Variants in PCDHA8 observed in about 807,000 individuals in gnomAD.
PCDHA8 encodes protocadherin alpha 8.
Under a neutral mutation model 61.8 loss-of-function variants are expected in PCDHA8, and 53 were observed. That is an observed-to-expected ratio of 0.86 (90% CI 0.69 to 1.08). The LOEUF is 1.08. PCDHA8 is among the 50% of genes least tolerant of loss of function. PCDHA8 has a pLI of 0.00. For missense variants in PCDHA8, 1,293 were observed against 1,245.0 expected, an observed-to-expected ratio of 1.04 and a Z score of -0.58; for synonymous variants, 618 against 556.6, an observed-to-expected ratio of 1.11 and a Z score of -1.55.
At chr5:140,909,045 G>A (rs1407145935) in intron 1 of PCDHA8, among the ~76,000 whole-genome samples, 1 of 152,112 alleles carries the variant, frequency 6.6e-6, no homozygotes, top group African/African-American at 2.4e-5. Flanking sequence ...TCCATACTCT[G>A]GCATGCAAAT....
At chr5:140,969,968 G>A (rs935403265) in intron 1 of PCDHA8, among the ~76,000 whole-genome samples, 2 of 152,200 alleles carry the variant, frequency 1.3e-5, no homozygotes, top group Non-Finnish European at 2.9e-5. Flanking sequence ...GCTGTATGAT[G>A]TGGCAACTCT....
chr5:140,962,512 AATAAT>A (rs2095688598), intron 1 of PCDHA8, among the ~76,000 whole-genome samples: 1 of 152,184 alleles, frequency 6.6e-6, no homozygotes, highest in Admixed American at 6.5e-5. Flanking sequence ...GCCAACTATC[AATAAT>A]ATATTAGTTT....
chr5:140,876,466 G>C, intron 1 of PCDHA8: 1 of 1,614,018 alleles, frequency 6.2e-7, no homozygotes, highest in Non-Finnish European at 8.5e-7. Flanking sequence ...TTCCATGGCA[G>C]GTCACAGCAT....
intron 1 of PCDHA8, chr5:140,928,753 G>A (rs782483181): frequency 1.2e-6 from 2 of 1,614,142 alleles, no homozygotes; most frequent in Non-Finnish European, 8.5e-7. Flanking sequence ...GCTCCGTACT[G>A]CTCGCTTAGT....
At chr5:140,998,247 T>C (rs2097802911) in intron 3 of PCDHA8, among the ~76,000 whole-genome samples, 1 of 152,216 alleles carries the variant, frequency 6.6e-6, no homozygotes, top group Non-Finnish European at 1.5e-5. Flanking sequence ...ATTATACTCA[T>C]TTTACTGCTA....
intron 1 of PCDHA8, chr5:140,856,082 T>C (rs781798552): frequency 6.9e-6 from 11 of 1,594,900 alleles, no homozygotes; most frequent in Non-Finnish European, 8.6e-6. Context: ...GGGGGTCCAG[T>C]GTCTGCTGCT....
intron 1 of PCDHA8, chr5:140,853,279 A>T: frequency 1.0e-6 from 1 of 979,476 alleles, no homozygotes; most frequent in African/African-American, 1.8e-5. Flanking sequence ...CTCTCATCAT[A>T]TGCAAATTCT....
intron 1 of PCDHA8, chr5:140,865,781 A>G (rs1213634186): frequency 3.3e-5 from 5 of 152,208 alleles, no homozygotes; most frequent in Admixed American, 1.3e-4. Flanking sequence ...TCAAATGTGT[A>G]TCTTTCAGGC....
intron 1 of PCDHA8, chr5:140,851,191 T>C: frequency 8.2e-7 from 1 of 1,215,936 alleles, no homozygotes; most frequent in South Asian, 3.0e-5. Context: ...ACCAATTTAG[T>C]TGTTAGTCAT....
chr5:140,929,024 C>T, intron 1 of PCDHA8: 1 of 1,614,172 alleles, frequency 6.2e-7, no homozygotes, highest in Non-Finnish European at 8.5e-7. Context: ...CACCAGAGCC[C>T]AGGCTGTTGC....
chr5:140,843,005 G>T lies in PCDHA8; in HGVS notation c.1684G>T (p.Ala562Ser). 1 of 1,595,030 alleles carries T rather than the reference G, an allele frequency of 6.3e-7. No homozygotes were observed. Among genetic ancestry groups the T allele is most frequent in the East Asian group, 2.2e-5 (1 of 44,818 alleles). The change falls in exon 1 of 4, where the codon GCG becomes TCG. Residue 562 changes from alanine (A) to serine (S), a missense_variant. Physicochemically the swap from Ala to Ser is moderately conservative, Grantham distance 99 (BLOSUM62 1). Coordinates refer to ENST00000531613, the MANE Select transcript of PCDHA8 (RefSeq NM_018911.3). ...GTTCGTGCTGGACGAGAATGACAAC[G>T]CGCCGGCACTGCTGGAGCCTCGGGT... ...QVFVLDENDN[A>S]PALLEPRVGG... is the part of the protein sequence containing the mutation.
At chr5:140,876,028 A>G in intron 1 of PCDHA8, 1 of 1,613,716 alleles carries the variant, frequency 6.2e-7, no homozygotes, top group Non-Finnish European at 8.5e-7. Flanking sequence ...AAAAACAAAA[A>G]AAGATAAAAG....
rs549259485 is a variant in PCDHA8, at chr5:140,926,218, A to C, written c.2395-52731A>C. 2.0e-5 allele frequency among the ~76,000 whole-genome samples: 3 copies of C among 152,070 alleles called. No individual in the cohort carries two copies. In the South Asian group the frequency reaches 6.3e-4, roughly 32 times the overall value. On this transcript the variant is annotated intron_variant, in intron 1 of 3. Coordinates refer to ENST00000531613, the MANE Select transcript of PCDHA8 (RefSeq NM_018911.3). ...TCTTTCGGGGGGCTCCTGTTTCCTT[A>C]AGCCTAGAAGGTGTGGTCGCTCACG...
chr5:140,985,018 A>G (rs1384418667), intron 3 of PCDHA8, among the ~76,000 whole-genome samples: 2 of 152,026 alleles, frequency 1.3e-5, no homozygotes, highest in Non-Finnish European at 2.9e-5. Flanking sequence ...GCTCACAGCA[A>G]CCTCTGCCTC....
chr5:140,844,618 A>C (rs1230516172), intron 1 of PCDHA8, among the ~76,000 whole-genome samples: 1 of 149,532 alleles, frequency 6.7e-6, no homozygotes, highest in Non-Finnish European at 1.5e-5. Context: ...AAATGTTTTC[A>C]TCAGAAAAAC....
Position 140,883,665 on chromosome 5 carries a change from A to G in PCDHA8, c.2394+39950A>G, listed in dbSNP as rs782383703. 3.7e-6 allele frequency: 6 copies of G among 1,613,494 alleles called. No individual in the cohort carries two copies. The African/African-American group carries it at 8.0e-5, about 22-fold the overall frequency. On this transcript the variant is annotated intron_variant, in intron 1 of 3. Transcript: ENST00000531613. ...CCCGAGTACACGGTGTTCGTGAAGG[A>G]AAACAATCCGCCGGGCTGCCACATC...
intron 1 of PCDHA8, among the ~76,000 whole-genome samples, chr5:140,902,579 A>G (rs2069572489): frequency 6.6e-6 from 1 of 152,078 alleles, no homozygotes. Flanking sequence ...TAAGATTTCA[A>G]TAGTTTTGGG....
At chr5:140,908,704 C>T (rs1241248582) in intron 1 of PCDHA8, among the ~76,000 whole-genome samples, 12 of 152,178 alleles carry the variant, frequency 7.9e-5, no homozygotes, top group African/African-American at 2.9e-4. Context: ...CCTCAAGCAC[C>T]ATTGGATCTG....
intron 1 of PCDHA8, chr5:140,857,748 C>T: frequency 6.3e-7 from 1 of 1,597,386 alleles, no homozygotes; most frequent in Middle Eastern, 1.8e-4. Flanking sequence ...CTGCTGGCGT[C>T]TCCCGCTGGC....
Sources: allele counts gnomAD v4.1 joint callset (sites outside exome capture counted in the v4.1 genomes callset), GRCh38; gene constraint gnomAD v4.1.1; transcripts MANE v1.5; gene names NCBI Gene and HGNC (gene_info 2026-07-23, HGNC 2026-07-21).